DLGAP2: variants seen among roughly 807,000 people sequenced by gnomAD.
DLGAP2 encodes the protein DLG associated protein 2, also known as disks large-associated protein 2.
In DLGAP2, 26 loss-of-function variants were observed where a neutral mutation model predicts 100.3. That is an observed-to-expected ratio of 0.26 (90% CI 0.19 to 0.36). The LOEUF (loss-of-function observed/expected upper bound fraction) is 0.36, where lower values mean the gene tolerates loss of function less well. Among genes scored for constraint, DLGAP2 ranks in the 10% least tolerant of loss-of-function variants. The probability of loss-of-function intolerance (pLI) is 1.00; values close to 1 mark genes in which losing one functional copy is unlikely to be tolerated. For missense variants in DLGAP2, 1,858 were observed against 1,453.2 expected (o/e 1.28, Z -4.53); for synonymous variants, 886 against 630.1 (o/e 1.41, Z -6.08).
intron 6 of DLGAP2, among the ~76,000 whole-genome samples, chr8:1,624,664 C>T (rs1259693605): frequency 1.3e-5 from 2 of 151,986 alleles, no homozygotes; most frequent in Non-Finnish European, 2.9e-5. Flanking sequence ...CCTGGGGGAT[C>T]CACAGAGGAG....
At chr8:1,333,442 C>T (rs1801202900) in intron 3 of DLGAP2, among the ~76,000 whole-genome samples, 1 of 152,176 alleles carries the variant, frequency 6.6e-6, no homozygotes, top group South Asian at 2.1e-4. Context: ...TCGTCCCTGA[C>T]ACTTTCCCAT....
chr8:1,137,746 T>A (rs536009076), intron 2 of DLGAP2: 1 of 152,302 alleles, frequency 6.6e-6, no homozygotes, highest in South Asian at 2.1e-4. Flanking sequence ...ATTAAAAAAA[T>A]GTGTTTTTGG....
At chr8:1,470,539 C>T (rs80123057) in intron 3 of DLGAP2, among the ~76,000 whole-genome samples, 5 of 152,234 alleles carry the variant, frequency 3.3e-5, no homozygotes, top group Admixed American at 1.3e-4. Context: ...GCCAGTCACA[C>T]GCAGAAGCAC....
chr8:1,100,711 G>C (rs1804550500), intron 2 of DLGAP2, among the ~76,000 whole-genome samples: 1 of 152,212 alleles, frequency 6.6e-6, no homozygotes, highest in South Asian at 2.1e-4. Flanking sequence ...TTGCATTTCA[G>C]CTCCTTTTGA....
chr8:1,088,643 C>A (rs1424772795), intron 2 of DLGAP2, among the ~76,000 whole-genome samples: 1 of 151,904 alleles, frequency 6.6e-6, no homozygotes, highest in Non-Finnish European at 1.5e-5. Flanking sequence ...CCCACCACCC[C>A]ACTCTCTCCA....
rs1263002526 is a variant in DLGAP2, at chr8:1,708,097, T to A, written c.*6691T>A. ...TTTTTCCCATGACTTTTTTTCACTC[T>A]CAGCTGACTGTAAGAAACTGTGCAC... is the stretch of plus-strand genomic sequence containing the variant. On this transcript the variant is annotated 3_prime_UTR_variant, in exon 15 of 15. Transcript: ENST00000637795. 1 of 152,264 alleles carries A rather than the reference T, an allele frequency of 6.6e-6. No homozygotes were observed. 9.4% of individuals were successfully genotyped at this position (152,264 alleles called of 1,614,324 possible).
intron 3 of DLGAP2, among the ~76,000 whole-genome samples, chr8:1,413,216 A>C (rs1796783575): frequency 6.6e-6 from 1 of 152,170 alleles, no homozygotes; most frequent in African/African-American, 2.4e-5. Flanking sequence ...GTATGTTTCA[A>C]CACCTTTATT....
In DLGAP2 at chr8:1,169,829, C is replaced by G. The variant is rs186887191; in HGVS notation, c.74-89022C>G. On this transcript the variant is annotated intron_variant, in intron 2 of 14. Transcript: ENST00000637795. ...GATATACAATCATGTCATCTGCAAA[C>G]AGAGACAATTTGACTTCCTCTTTTC... Among the ~76,000 whole-genome samples the G allele has an allele frequency of 2.4e-4, 36 of 151,948 alleles. 1 individual carries two copies. In the East Asian group the frequency reaches 4.6e-3, roughly 20 times the overall value.
At chr8:826,229 A>G (rs758427047) in intron 1 of DLGAP2, among the ~76,000 whole-genome samples, 7 of 152,270 alleles carry the variant, frequency 4.6e-5, no homozygotes, top group Middle Eastern at 3.4e-3. Flanking sequence ...TTGTCTGTGG[A>G]CGGACACTTA....
chr8:1,000,955 G>A (rs1393251941), intron 2 of DLGAP2, among the ~76,000 whole-genome samples: 1 of 152,152 alleles, frequency 6.6e-6, no homozygotes, highest in East Asian at 1.9e-4. Flanking sequence ...CCCCTCCAGG[G>A]ATTTCCTCAG....
intron 3 of DLGAP2, among the ~76,000 whole-genome samples, chr8:1,462,386 G>C (rs1227105836): frequency 2.1e-5 from 2 of 97,412 alleles, no homozygotes; most frequent in Admixed American, 2.3e-4. Context: ...GGAGGGAGAA[G>C]GGTGGCATTC....
intron 6 of DLGAP2, among the ~76,000 whole-genome samples, chr8:1,596,643 A>T (rs1031343224): frequency 3.3e-5 from 5 of 151,994 alleles, no homozygotes; most frequent in Non-Finnish European, 7.4e-5. Context: ...GCTTTTTTTC[A>T]TATGTTTGTT....
At chr8:1,659,876 C>T (rs1798369659) in intron 8 of DLGAP2, among the ~76,000 whole-genome samples, 1 of 152,060 alleles carries the variant, frequency 6.6e-6, no homozygotes, top group Non-Finnish European at 1.5e-5. Context: ...TGAATTAGAT[C>T]CTATCATTAT....
intron 2 of DLGAP2, among the ~76,000 whole-genome samples, chr8:1,101,692 G>A (rs917817257): frequency 6.7e-6 from 1 of 149,776 alleles, no homozygotes; most frequent in Non-Finnish European, 1.5e-5. Flanking sequence ...ACACGACGAT[G>A]GGAAGGTCCT....
rs751952867 is a variant in DLGAP2 at position 946,506 on chromosome 8, G to A, written c.73+38540G>A. Among the ~76,000 whole-genome samples, 30 of 152,086 alleles carry A rather than the reference G, an allele frequency of 2.0e-4. 1 individual carries two copies. The South Asian group carries it at 2.7e-3, about 14-fold the overall frequency. ...TCTCGATCTCCTGACCTTGTGATCT[G>A]CCCGCCTTGGCCTCCCAAAGTGCTG... On this transcript the variant is annotated intron_variant, in intron 2 of 14. Coordinates refer to ENST00000637795, the MANE Select transcript of DLGAP2 (RefSeq NM_001346810.2).
intron 2 of DLGAP2, among the ~76,000 whole-genome samples, chr8:1,120,138 G>A (rs1382235995): frequency 6.6e-6 from 1 of 152,182 alleles, no homozygotes; most frequent in African/African-American, 2.4e-5. Flanking sequence ...CGTTGGGTCT[G>A]TGGACGTAAC....
At chr8:1,524,392 G>A (rs778490222) in intron 4 of DLGAP2, among the ~76,000 whole-genome samples, 5 of 152,132 alleles carry the variant, frequency 3.3e-5, no homozygotes, top group Admixed American at 6.5e-5. Flanking sequence ...CACATTTAGC[G>A]TTGTTTGCAG....
intron 2 of DLGAP2, among the ~76,000 whole-genome samples, chr8:1,064,668 G>T (rs17668166): frequency 0.32 from 48,042 of 151,938 alleles, 7,823 homozygotes; most frequent in South Asian, 0.36. Flanking sequence ...TAAAATATTC[G>T]CTGTCAACAC....
chr8:1,428,700 C>G (rs9644310), intron 3 of DLGAP2, among the ~76,000 whole-genome samples: 12,374 of 152,252 alleles, frequency 0.081, 895 homozygotes, highest in East Asian at 0.36. Flanking sequence ...TAAGGTTTAT[C>G]TCAGGAATGC....
Sources: allele counts gnomAD v4.1 joint callset (sites outside exome capture counted in the v4.1 genomes callset), GRCh38; gene constraint gnomAD v4.1.1; transcripts MANE v1.5; gene names NCBI Gene and HGNC (gene_info 2026-07-23, HGNC 2026-07-21).